The following PTPRQ variants were observed in gnomAD, a reference collection of about 807,000 sequenced individuals.
PTPRQ encodes protein tyrosine phosphatase receptor type Q.
Under a neutral mutation model 246.0 loss-of-function variants are expected in PTPRQ, and 199 were observed. That is an observed-to-expected ratio of 0.81 (90% CI 0.72 to 0.91). The LOEUF (loss-of-function observed/expected upper bound fraction) is 0.91. PTPRQ is among the 40% of genes least tolerant of loss of function. PTPRQ has a pLI of 0.00. For missense variants in PTPRQ, 2,624 were observed against 2,528.4 expected, an observed-to-expected ratio of 1.04 and a Z score of -0.81; for synonymous variants, 869 against 853.2, an observed-to-expected ratio of 1.02 and a Z score of -0.32.
At chr12:80,653,707 G>A (rs1243477329) in intron 38 of PTPRQ, among the ~76,000 whole-genome samples, 1 of 152,148 alleles carries the variant, frequency 6.6e-6, no homozygotes, top group Non-Finnish European at 1.5e-5. Flanking sequence ...AGAGAAGGAT[G>A]TGATCATAGA....
intron 3 of PTPRQ, among the ~76,000 whole-genome samples, chr12:80,454,721 C>T (rs373547103): frequency 2.9e-4 from 44 of 151,374 alleles, no homozygotes; most frequent in East Asian, 1.2e-3. Context: ...TCTGTTGAGA[C>T]GATCATATGG....
At chr12:80,587,103 T>A (rs1897645819) in intron 25 of PTPRQ, among the ~76,000 whole-genome samples, 1 of 152,170 alleles carries the variant, frequency 6.6e-6, no homozygotes, top group African/African-American at 2.4e-5. Context: ...GGGGCAGGAA[T>A]TTTTGTCTGT....
At chr12:80,583,379 C>A (rs921280144) in intron 25 of PTPRQ, among the ~76,000 whole-genome samples, 4 of 151,948 alleles carry the variant, frequency 2.6e-5, no homozygotes, top group African/African-American at 9.7e-5. Context: ...GAAGCAAAAT[C>A]TTTTTGAATC....
chr12:80,573,818 C>G (rs1400706825), intron 25 of PTPRQ, among the ~76,000 whole-genome samples: 1 of 151,970 alleles, frequency 6.6e-6, no homozygotes, highest in Non-Finnish European at 1.5e-5. Context: ...TTAATGTTCT[C>G]TATTGTTTTT....
At chr12:80,546,780 TATC>T in intron 24 of PTPRQ, 83 bp downstream of exon 24, 4 of 1,465,130 alleles carry the variant, frequency 2.7e-6, no homozygotes, top group Non-Finnish European at 3.7e-6. Context: ...TATGATAAAG[TATC>T]ATTACTTAAG....
intron 26 of PTPRQ, among the ~76,000 whole-genome samples, chr12:80,591,177 G>A (rs1307767935): frequency 6.8e-6 from 1 of 146,560 alleles, no homozygotes; most frequent in Non-Finnish European, 1.5e-5. Flanking sequence ...CCAGGCTGGG[G>A]TGCTGGGGCA....
intron 27 of PTPRQ, among the ~76,000 whole-genome samples, chr12:80,607,182 A>G (rs1402389377): frequency 6.6e-6 from 1 of 150,952 alleles, no homozygotes; most frequent in East Asian, 1.9e-4. Flanking sequence ...TATTACCTTC[A>G]TTTTGCATAA....
At chr12:80,480,230 T>C (rs1469489810) in intron 8 of PTPRQ, among the ~76,000 whole-genome samples, 254 of 152,044 alleles carry the variant, frequency 1.7e-3, no homozygotes, top group African/African-American at 5.9e-3. Context: ...CACTCAAAAC[T>C]GCTCAACTTC....
chr12:80,566,697 A>G (rs1422370933), intron 25 of PTPRQ, among the ~76,000 whole-genome samples: 2 of 151,730 alleles, frequency 1.3e-5, no homozygotes, highest in Non-Finnish European at 2.9e-5. Flanking sequence ...ATGCCACCAC[A>G]CCTGGCTAAT....
chr12:80,563,118 T>G (rs568316588), intron 25 of PTPRQ, among the ~76,000 whole-genome samples: 1 of 152,286 alleles, frequency 6.6e-6, no homozygotes, highest in Non-Finnish European at 1.5e-5. Context: ...AGACATTAAG[T>G]GTATAATGGT....
intron 17 of PTPRQ, among the ~76,000 whole-genome samples, chr12:80,524,770 A>G (rs1365874005): frequency 1.3e-5 from 2 of 152,120 alleles, no homozygotes; most frequent in Non-Finnish European, 2.9e-5. Flanking sequence ...AGTTGTGGAA[A>G]TGTTCTTGAT....
At chr12:80,644,930 C>T (rs1020864720) in intron 35 of PTPRQ, among the ~76,000 whole-genome samples, 1 of 151,928 alleles carries the variant, frequency 6.6e-6, no homozygotes, top group Non-Finnish European at 1.5e-5. Flanking sequence ...GGTAATGTAC[C>T]TCAAAATGTC....
At chr12:80,480,872 G>T (rs952829283) in intron 8 of PTPRQ, among the ~76,000 whole-genome samples, 7 of 152,196 alleles carry the variant, frequency 4.6e-5, no homozygotes, top group African/African-American at 1.7e-4. Context: ...TGAAATTGTG[G>T]CAATAAGCAA....
At chr12:80,494,192 A>T (rs1187082980) in intron 10 of PTPRQ, among the ~76,000 whole-genome samples, 1 of 152,028 alleles carries the variant, frequency 6.6e-6, no homozygotes, top group African/African-American at 2.4e-5. Context: ...TTCTTGTGCA[A>T]AGAAGACTGG....
chr12:80,559,666 T>C (rs1340746744), intron 25 of PTPRQ, among the ~76,000 whole-genome samples: 1 of 152,202 alleles, frequency 6.6e-6, no homozygotes, highest in East Asian at 1.9e-4. Flanking sequence ...GAATTTCTCT[T>C]AGCTTTCTAA....
At chr12:80,611,805 C>G (rs1267920667) in intron 28 of PTPRQ, among the ~76,000 whole-genome samples, 1 of 150,378 alleles carries the variant, frequency 6.6e-6, no homozygotes, top group African/African-American at 2.4e-5. Flanking sequence ...AGAGAAACAT[C>G]TCATAAGAAA....
chr12:80,480,681 A>C (rs190912306), intron 8 of PTPRQ, among the ~76,000 whole-genome samples: 54 of 152,242 alleles, frequency 3.5e-4, no homozygotes, highest in African/African-American at 1.1e-3. Context: ...ATACAAAATG[A>C]TAAAGGGGAT....
At chr12:80,490,287 A>G (rs1010506655) in intron 9 of PTPRQ, among the ~76,000 whole-genome samples, 3 of 152,058 alleles carry the variant, frequency 2.0e-5, no homozygotes, top group African/African-American at 7.2e-5. Context: ...GAATAAGTCA[A>G]ACATTTCATT....
chr12:80,519,431 A>C (rs532610687), intron 17 of PTPRQ, among the ~76,000 whole-genome samples: 2 of 152,318 alleles, frequency 1.3e-5, no homozygotes, highest in African/African-American at 2.4e-5. Flanking sequence ...CAATCTAAAA[A>C]TTTGGAAAGG....
Sources: allele counts gnomAD v4.1 joint callset (sites outside exome capture counted in the v4.1 genomes callset), GRCh38; gene constraint gnomAD v4.1.1; transcripts MANE v1.5; gene names NCBI Gene and HGNC (gene_info 2026-07-23, HGNC 2026-07-21).